The following DSE variants were observed in gnomAD, a reference collection of about 807,000 sequenced individuals.
DSE encodes the protein dermatan sulfate epimerase.
A neutral mutation model predicts 84.4 loss-of-function variants in DSE; 36 were observed. The observed-to-expected ratio is 0.43, with a 90% CI of 0.33 to 0.56. The LOEUF is 0.56. Ranked by LOEUF, DSE falls within the 20% of genes least tolerant of loss-of-function variation. DSE has a pLI of 0.06. For synonymous variants in DSE, 410 were observed against 430.1 expected (o/e 0.95, Z 0.58); for missense variants, 862 against 1,169.6 (o/e 0.74, Z 3.84).
intron 2 of DSE, among the ~76,000 whole-genome samples, chr6:116,405,889 A>C (rs1309849363): frequency 6.6e-6 from 1 of 152,194 alleles, no homozygotes; most frequent in Non-Finnish European, 1.5e-5. Context: ...TGTGGTGCAC[A>C]GTCACACCCT....
Position 116,299,545 on chromosome 6 carries a change from T to TACAC in DSE, c.-54+40579_-54+40580insCACA, listed in dbSNP as rs1562213543. ...ATATATATATATATATATATATATA[T>TACAC]ATATATACACATACACACACACACA... On this transcript the variant is annotated intron_variant, in intron 2 of 3. Coordinates refer to the DSE transcript ENST00000430252. Among the ~76,000 whole-genome samples, 249 of 35,448 alleles carry TACAC rather than the reference T, an allele frequency of 7.0e-3. 5 individuals are homozygous for TACAC. Among genetic ancestry groups the TACAC allele is most frequent in the Non-Finnish European group, 9.3e-3 (210 of 22,498 alleles). 23.3% of individuals were successfully genotyped at this position (35,448 alleles called of 152,430 possible). A position where few individuals can be genotyped will look rare whatever the true frequency, so the allele number is the denominator to read the frequency against.
chr6:116,425,619 A>T (rs796702021), intron 2 of DSE, among the ~76,000 whole-genome samples: 1,468 of 48,472 alleles, frequency 0.03, 38 homozygotes, highest in African/African-American at 0.088. Flanking sequence ...ATTTATTTTT[A>T]TTTTATTTTA....
chr6:116,414,827 T>C (rs562105531), intron 2 of DSE, among the ~76,000 whole-genome samples: 1 of 152,362 alleles, frequency 6.6e-6, no homozygotes, highest in African/African-American at 2.4e-5. Context: ...TAATAGCTTT[T>C]TGTTTTATTT....
intron 2 of DSE, among the ~76,000 whole-genome samples, chr6:116,319,182 T>G (rs1277083095): frequency 2.0e-5 from 3 of 152,256 alleles, no homozygotes. Context: ...TAAACATGGC[T>G]AATTACTTAG....
chr6:116,386,569 G>C (rs1249423126), intron 1 of DSE, among the ~76,000 whole-genome samples: 1 of 152,210 alleles, frequency 6.6e-6, no homozygotes, highest in Non-Finnish European at 1.5e-5. Flanking sequence ...TTGCTAGCCA[G>C]GGAAGCTCAC....
chr6:116,297,255 T>C (rs1774728288), intron 2 of DSE, among the ~76,000 whole-genome samples: 1 of 152,114 alleles, frequency 6.6e-6, no homozygotes, highest in Non-Finnish European at 1.5e-5. Flanking sequence ...AGATGGGAGT[T>C]GGAGGAGGAA....
chr6:116,285,153 C>G (rs1338936283), intron 2 of DSE, among the ~76,000 whole-genome samples: 1 of 152,178 alleles, frequency 6.6e-6, no homozygotes, highest in Non-Finnish European at 1.5e-5. Flanking sequence ...AAAAGTGTTC[C>G]TATTTCTCCA....
chr6:116,348,724 C>T (rs1778143623), intron 2 of DSE, among the ~76,000 whole-genome samples: 1 of 152,168 alleles, frequency 6.6e-6, no homozygotes. Flanking sequence ...TGGAACCAAC[C>T]CAAATGTCCA....
At chr6:116,372,335 G>C (rs1267135178) in intron 1 of DSE, among the ~76,000 whole-genome samples, 1 of 152,152 alleles carries the variant, frequency 6.6e-6, no homozygotes, top group Non-Finnish European at 1.5e-5. Context: ...GGGCGTGGTG[G>C]CGGGCGCCTG....
intron 2 of DSE, among the ~76,000 whole-genome samples, chr6:116,263,387 T>C (rs1772493711): frequency 6.6e-6 from 1 of 152,082 alleles, no homozygotes; most frequent in South Asian, 2.1e-4. Flanking sequence ...TTATCTTTGT[T>C]GGTTTAAAGC....
At chr6:116,369,985 A>T, upstream of DSE, 1 of 1,282,228 alleles carries the variant, frequency 7.8e-7, no homozygotes, top group Non-Finnish European at 1.0e-6. Flanking sequence ...GGTTACTTGC[A>T]CACACTGGGT....
intron 2 of DSE, among the ~76,000 whole-genome samples, chr6:116,363,716 T>G (rs1038422112): frequency 1.3e-5 from 2 of 152,184 alleles, no homozygotes; most frequent in African/African-American, 4.8e-5. Context: ...AATTACATCA[T>G]AAGTAAAACA....
intron 2 of DSE, chr6:116,399,912 G>A: frequency 2.1e-6 from 1 of 486,016 alleles, no homozygotes; most frequent in Non-Finnish European, 3.7e-6. Flanking sequence ...AAAATAATTT[G>A]CTGAATTGAG....
At chr6:116,315,845 C>T (rs1161973619) in intron 2 of DSE, among the ~76,000 whole-genome samples, 1 of 152,098 alleles carries the variant, frequency 6.6e-6, no homozygotes, top group Non-Finnish European at 1.5e-5. Context: ...ACTAAAAATA[C>T]AAAAATTAGT....
At chr6:116,345,592 C>T (rs1198237527) in intron 2 of DSE, among the ~76,000 whole-genome samples, 3 of 151,918 alleles carry the variant, frequency 2.0e-5, no homozygotes, top group African/African-American at 7.3e-5. Context: ...CACAACATAC[C>T]AGAATCTCTG....
chr6:116,259,302 A>G, intron 2 of DSE: 1 of 523,178 alleles, frequency 1.9e-6, no homozygotes, highest in African/African-American at 1.9e-5. Context: ...AATTAGTTAA[A>G]TGGTTATACC....
chr6:116,394,682 A>G (rs1278550100), intron 1 of DSE, among the ~76,000 whole-genome samples: 1 of 152,152 alleles, frequency 6.6e-6, no homozygotes, highest in Non-Finnish European at 1.5e-5. Flanking sequence ...TCCTGACCTC[A>G]ACTGATCCTC....
At chr6:116,362,419 A>T (rs1055434893) in intron 2 of DSE, among the ~76,000 whole-genome samples, 2 of 152,208 alleles carry the variant, frequency 1.3e-5, no homozygotes, top group Admixed American at 6.5e-5. Flanking sequence ...ATGTGACCAT[A>T]TTTGGAAATA....
chr6:116,411,353 G>A (rs897888763), intron 2 of DSE, among the ~76,000 whole-genome samples: 2 of 152,166 alleles, frequency 1.3e-5, no homozygotes, highest in Admixed American at 6.5e-5. Context: ...ATGAGAAATC[G>A]AGGTGCTGAT....
Sources: gnomAD v4.1 joint callset for allele counts (sites outside exome capture counted in the v4.1 genomes callset) on GRCh38, gnomAD v4.1.1 for gene constraint, MANE v1.5 for transcripts, NCBI Gene and HGNC (gene_info 2026-07-23, HGNC 2026-07-21) for gene names.